The following ALPK1 variants were observed in gnomAD, a reference collection of about 807,000 sequenced individuals.
The protein encoded by ALPK1 is alpha-protein kinase 1.
Under a neutral mutation model 120.6 loss-of-function variants are expected in ALPK1, and 110 were observed. That is an observed-to-expected ratio of 0.91 (90% CI 0.78 to 1.07). ALPK1 has a LOEUF of 1.07. Ranked by LOEUF, ALPK1 falls within the 50% of genes least tolerant of loss-of-function variation. The pLI, the probability that ALPK1 is intolerant of heterozygous loss-of-function variation, is 0.00. For missense variants in ALPK1, 1,498 were observed against 1,483.9 expected (o/e 1.01, Z -0.16); for synonymous variants, 582 against 560.3 (o/e 1.04, Z -0.55).
intron 2 of ALPK1, among the ~76,000 whole-genome samples, chr4:112,331,482 G>C (rs970946505): frequency 6.6e-6 from 1 of 152,156 alleles, no homozygotes; most frequent in Non-Finnish European, 1.5e-5. Flanking sequence ...ATTGCACTGT[G>C]ATTATCTTTC....
intron 4 of ALPK1, chr4:112,411,087 A>G (rs1445491282): frequency 1.3e-5 from 2 of 154,870 alleles, no homozygotes; most frequent in African/African-American, 4.8e-5. Flanking sequence ...TTAATGTCTA[A>G]ATATAAATAA....
intron 3 of ALPK1, among the ~76,000 whole-genome samples, chr4:112,379,697 G>A (rs1731821045): frequency 6.6e-6 from 1 of 152,214 alleles, no homozygotes; most frequent in Non-Finnish European, 1.5e-5. Context: ...CAAACACTGA[G>A]GTTTTTCTTC....
intron 10 of ALPK1, among the ~76,000 whole-genome samples, 197 bp downstream of exon 10, chr4:112,429,450 A>T (rs79516545): frequency 0.012 from 1,774 of 152,328 alleles, 52 homozygotes; most frequent in East Asian, 0.084. Flanking sequence ...GAGCTAAATT[A>T]ATTCAGCCCA....
chr4:112,344,366 TGG>T, intron 2 of ALPK1, among the ~76,000 whole-genome samples: 2 of 152,318 alleles, frequency 1.3e-5, no homozygotes, highest in African/African-American at 4.8e-5. Flanking sequence ...GTGAAAATAG[TGG>T]GACTGAACAG....
At chr4:112,391,662 G>A (rs144458510) in intron 4 of ALPK1, among the ~76,000 whole-genome samples, 4 of 152,268 alleles carry the variant, frequency 2.6e-5, no homozygotes, top group African/African-American at 9.6e-5. Context: ...GAACCATACA[G>A]CTGCAGATCA....
chr4:112,413,756 T>A (rs1733602271), intron 5 of ALPK1, among the ~76,000 whole-genome samples: 1 of 152,164 alleles, frequency 6.6e-6, no homozygotes, highest in Non-Finnish European at 1.5e-5. Context: ...GGAGGGTTTT[T>A]TAAATTATTT....
Position 112,430,610 on chromosome 4 carries a change from G to C in ALPK1, c.1063G>C (p.Val355Leu). 1 of 1,614,144 alleles carries C rather than the reference G, an allele frequency of 6.2e-7. No homozygotes were observed. Among genetic ancestry groups the C allele is most frequent in the Non-Finnish European group, 8.5e-7 (1 of 1,180,010 alleles). The change falls in exon 11 of 16, where the codon GTC (valine) becomes CTC (leucine). Residue 355 changes from valine (V) to leucine (L), a missense_variant. Val to Leu is a conservative substitution (Grantham distance 32). Coordinates refer to ENST00000650871, the MANE Select transcript of ALPK1 (RefSeq NM_025144.4). The stretch of plus-strand genomic sequence containing the variant: ...TGGAAAACAGGAGCTTCACAGCTTT[G>C]TCAAAGCTGCTTTCGGTCTCACCAC... ...VTGKQELHSF[V>L]KAAFGLTTVH... is the part of the protein sequence containing the mutation.
At chr4:112,366,888 G>A (rs1477229411) in intron 2 of ALPK1, among the ~76,000 whole-genome samples, 2 of 152,134 alleles carry the variant, frequency 1.3e-5, no homozygotes, top group Non-Finnish European at 1.5e-5. Context: ...TGAAATAATG[G>A]CACTTGCAGC....
At chr4:112,421,983 T>C (rs538134140) in intron 5 of ALPK1, among the ~76,000 whole-genome samples, 3 of 152,208 alleles carry the variant, frequency 2.0e-5, no homozygotes, top group Admixed American at 6.5e-5. Context: ...CTCCTGTCCT[T>C]TGCGGCCATT....
Position 112,430,579 on chromosome 4 carries a change from T to C in ALPK1, c.1032T>C (p.Pro344=), listed in dbSNP as rs1206962733. The change falls in exon 11 of 16, where the codon CCT becomes CCC. Residue 344 remains proline, a synonymous_variant. Transcript: ENST00000650871. Reference sequence around the variant, plus strand: ...TCCTCACCAAGAGAGATGATGAGCCTGTTACTGGAAAACAGGAGCTTCACA... The same window carrying C: ...TCCTCACCAAGAGAGATGATGAGCCCGTTACTGGAAAACAGGAGCTTCACA... ...IGLLTKRDDE[P]VTGKQELHSF... 1.9e-6 allele frequency: 3 copies of C among 1,614,184 alleles called. No homozygotes were observed. Among genetic ancestry groups the C allele is most frequent in the Non-Finnish European group, 2.5e-6 (3 of 1,180,016 alleles).
At chr4:112,427,735 GCTGT>G in intron 9 of ALPK1, 70 bp downstream of exon 9, 3 of 1,118,388 alleles carry the variant, frequency 2.7e-6, no homozygotes, top group Non-Finnish European at 4.0e-6. Flanking sequence ...TTGGTTAGTG[GCTGT>G]CTTTCTCAGG....
intron 4 of ALPK1, among the ~76,000 whole-genome samples, chr4:112,390,657 A>G (rs1195931912): frequency 6.6e-6 from 1 of 152,180 alleles, no homozygotes; most frequent in Admixed American, 6.5e-5. Flanking sequence ...TTTGAAAAAC[A>G]TGGTGTTTGA....
intron 2 of ALPK1, among the ~76,000 whole-genome samples, chr4:112,318,084 T>A (rs1010260329): frequency 6.6e-6 from 1 of 152,206 alleles, no homozygotes; most frequent in Non-Finnish European, 1.5e-5. Flanking sequence ...TAGAAAGGAA[T>A]TAATAAACAA....
At chr4:112,374,591 G>T (rs1731567393) in intron 2 of ALPK1, among the ~76,000 whole-genome samples, 1 of 152,080 alleles carries the variant, frequency 6.6e-6, no homozygotes, top group Non-Finnish European at 1.5e-5. Context: ...ATCCATCAAA[G>T]AAATTACTAT....
intron 2 of ALPK1, among the ~76,000 whole-genome samples, chr4:112,348,800 A>G (rs1174739787): frequency 6.6e-6 from 1 of 152,216 alleles, no homozygotes; most frequent in Non-Finnish European, 1.5e-5. Flanking sequence ...TGGTCTGCCA[A>G]TCCCCAGGCC....
chr4:112,319,342 C>T (rs963674123), intron 2 of ALPK1, among the ~76,000 whole-genome samples: 14 of 152,080 alleles, frequency 9.2e-5, no homozygotes, highest in South Asian at 2.1e-4. Context: ...AGTTATGGAC[C>T]CATGGAGCAT....
chr4:112,430,890 G>A lies in ALPK1; in HGVS notation c.1343G>A (p.Gly448Glu), dbSNP rs1428688561. 1 of 1,614,044 alleles carries A rather than the reference G, an allele frequency of 6.2e-7. No individual in the cohort carries two copies. The highest frequency in any genetic ancestry group is 1.3e-5 in the African/African-American group (1 of 74,934). ...ECRLDKLILH[G>E]QGDFQKILDT... ...AGGTTGGATAAACTTATCTTGCATG[G>A]GCAAGGGGATTTCCAAAAAATCCTT... is the stretch of plus-strand genomic sequence containing the variant. Residue 448 changes from glycine to glutamate, a missense_variant, in exon 11 of 16, where the codon GGG (glycine) becomes GAG (glutamate). By Grantham distance (98) the Gly-to-Glu change is moderately conservative (BLOSUM62 -2). Coordinates refer to ENST00000650871, the MANE Select transcript of ALPK1 (RefSeq NM_025144.4).
Position 112,423,997 on chromosome 4 carries a change from G to GCTTC in ALPK1, c.530_531insTTCC (p.Thr178SerfsTer10). 1 of 1,613,728 alleles carries GCTTC rather than the reference G, an allele frequency of 6.2e-7. No individual in the cohort carries two copies. The highest frequency in any genetic ancestry group is 1.7e-5 in the Admixed American group (1 of 60,012). On this transcript the variant is annotated frameshift_variant, in exon 6 of 16. Coordinates refer to ENST00000650871, the MANE Select transcript of ALPK1 (RefSeq NM_025144.4). LOFTEE classifies it high-confidence loss of function. ...GAGCAGTCTAATAAGCAACAATGGA[G>GCTTC]CAACGGGTGAGTACTTTCATATCTT...
chr4:112,400,006 T>C (rs552897043), intron 4 of ALPK1, among the ~76,000 whole-genome samples: 2 of 152,266 alleles, frequency 1.3e-5, no homozygotes, highest in African/African-American at 2.4e-5. Flanking sequence ...CACTGATGGG[T>C]ATTTGGGTTG....
Sources: gnomAD v4.1 joint callset for allele counts (sites outside exome capture counted in the v4.1 genomes callset) on GRCh38, gnomAD v4.1.1 for gene constraint, MANE v1.5 for transcripts, NCBI Gene and HGNC (gene_info 2026-07-23, HGNC 2026-07-21) for gene names.